The following SLC35F5 variants were observed in gnomAD, a reference collection of about 807,000 sequenced individuals.
The protein encoded by SLC35F5 is HCV NS5A-transactivated protein 3.
In SLC35F5, 54 loss-of-function variants were observed where a neutral mutation model predicts 68.6. That is an observed-to-expected ratio of 0.79 (90% CI 0.63 to 0.99). The LOEUF (loss-of-function observed/expected upper bound fraction) is 0.99. Among genes scored for constraint, SLC35F5 ranks in the 50% least tolerant of loss-of-function variants. The pLI is 0.00. For synonymous variants in SLC35F5, 211 were observed against 205.2 expected (o/e 1.03, Z -0.24); for missense variants, 567 against 626.9 (o/e 0.90, Z 1.02).
At position 113,734,638 on chromosome 2, in the gene SLC35F5, T is replaced by C. The variant is rs144617050; in HGVS notation, c.868A>G (p.Ser290Gly). 5 of 1,606,822 alleles carry C rather than the reference T, an allele frequency of 3.1e-6. No individual in the cohort carries two copies. The African/African-American group carries it at 4.0e-5, about 13-fold the overall frequency. Residue 290 changes from serine to glycine, a missense_variant, in exon 9 of 16, where the codon AGT becomes GGT. Physicochemically the swap from Ser to Gly is moderately conservative, Grantham distance 56. Transcript: ENST00000245680. ...AGGGTAAATCTATCTCCACTGTTAC[T>C]TGGAAATACTGCAGCAAGGATTAAG... ...FTLILAAVFP[S>G]NSGDRFTLSK...
chr2:113,755,031 G>T, intron 3 of SLC35F5, 134 bp downstream of exon 3: 3 of 812,498 alleles, frequency 3.7e-6, no homozygotes, highest in Non-Finnish European at 5.5e-6. Flanking sequence ...ATAATTCAAC[G>T]TTTTTTAAAA....
downstream of SLC35F5, among the ~76,000 whole-genome samples, chr2:113,704,301 T>C (rs549542598): frequency 2.2e-3 from 339 of 152,340 alleles, 3 homozygotes; most frequent in African/African-American, 7.8e-3. Context: ...TTACAATCCC[T>C]GAGCTAGACA....
intron 13 of SLC35F5, among the ~76,000 whole-genome samples, chr2:113,720,061 TAAG>T (rs923844406): frequency 6.7e-5 from 10 of 148,452 alleles, no homozygotes; most frequent in African/African-American, 2.2e-4. Context: ...GAAAAAAAAA[TAAG>T]AAAAACAAAT....
At chr2:113,755,038 A>T in intron 3 of SLC35F5, 127 bp downstream of exon 3, 1 of 890,844 alleles carries the variant, frequency 1.1e-6, no homozygotes, top group Admixed American at 3.1e-5. Flanking sequence ...AACGTTTTTT[A>T]AAAATTCAAT....
chr2:113,743,330 T>A (rs1676359417), intron 6 of SLC35F5, among the ~76,000 whole-genome samples: 1 of 152,188 alleles, frequency 6.6e-6, no homozygotes, highest in African/African-American at 2.4e-5. Context: ...TACTGCACCT[T>A]ATGTTAAAGG....
intron 1 of SLC35F5, chr2:113,756,112 G>A: frequency 1.4e-6 from 2 of 1,445,406 alleles, no homozygotes; most frequent in Non-Finnish European, 1.8e-6. Context: ...TTCTGTTTTG[G>A]AGCGGGGAAG....
At chr2:113,724,572 G>A (rs945039761) in intron 12 of SLC35F5, among the ~76,000 whole-genome samples, 1 of 152,168 alleles carries the variant, frequency 6.6e-6, no homozygotes, top group Non-Finnish European at 1.5e-5. Context: ...AGACAGCACT[G>A]TAGGCAGAGC....
chr2:113,746,997 C>T (rs72946630), intron 4 of SLC35F5, among the ~76,000 whole-genome samples: 224 of 151,612 alleles, frequency 1.5e-3, no homozygotes, highest in African/African-American at 4.1e-3. Flanking sequence ...TCAAAAACCT[C>T]TGAATGAGAC....
rs1389701854 is a variant in SLC35F5, at chr2:113,725,365, A to C, written c.1250+13T>G. On this transcript the variant is annotated intron_variant, in intron 12 of 15. Coordinates refer to ENST00000245680, the MANE Select transcript of SLC35F5 (RefSeq NM_025181.5). ...AATCAACTGATAATAATTGGAGAAT[A>C]AACAGTACATACCACAACCACAGGA... 1 of 1,583,910 alleles carries C rather than the reference A, an allele frequency of 6.3e-7. No homozygotes were observed. The highest frequency in any genetic ancestry group is 8.5e-7 in the Non-Finnish European group (1 of 1,171,762).
intron 11 of SLC35F5, among the ~76,000 whole-genome samples, chr2:113,728,007 T>A (rs1052910858): frequency 4.6e-5 from 7 of 152,172 alleles, no homozygotes; most frequent in Non-Finnish European, 1.0e-4. Context: ...TTTTCTTTTT[T>A]AAGAGACAGC....
intron 3 of SLC35F5, among the ~76,000 whole-genome samples, chr2:113,751,630 C>G (rs1234341332): frequency 6.7e-6 from 1 of 149,248 alleles, no homozygotes; most frequent in East Asian, 2.0e-4. Flanking sequence ...GCCAACATGG[C>G]GAAACCCTGT....
chr2:113,740,083 A>C (rs546486308), intron 7 of SLC35F5, among the ~76,000 whole-genome samples: 1 of 152,316 alleles, frequency 6.6e-6, no homozygotes, highest in South Asian at 2.1e-4. Context: ...GCAGAGATAG[A>C]TGAAAATCTG....
At chr2:113,732,818 C>T (rs1687948889) in intron 9 of SLC35F5, among the ~76,000 whole-genome samples, 1 of 152,132 alleles carries the variant, frequency 6.6e-6, no homozygotes, top group Admixed American at 6.6e-5. Context: ...CTATTATTAT[C>T]CCCAATATAC....
At chr2:113,735,730 T>C in intron 8 of SLC35F5, 47 bp downstream of exon 8, 2 of 1,279,098 alleles carry the variant, frequency 1.6e-6, no homozygotes, top group African/African-American at 1.5e-5. Context: ...ATACCAGAAA[T>C]ACATACACTG....
At chr2:113,749,022 C>T (rs1392160852) in intron 4 of SLC35F5, among the ~76,000 whole-genome samples, 1 of 152,160 alleles carries the variant, frequency 6.6e-6, no homozygotes, top group Non-Finnish European at 1.5e-5. Context: ...CAAGGATGGT[C>T]TCGATCTCCT....
At chr2:113,702,885 GATT>G (rs1686723457), downstream of SLC35F5, among the ~76,000 whole-genome samples, 1 of 152,176 alleles carries the variant, frequency 6.6e-6, no homozygotes, top group African/African-American at 2.4e-5. Context: ...AAGGCAGGCA[GATT>G]GCTTGAGGCC....
chr2:113,704,702 C>T (rs1042603370), downstream of SLC35F5, among the ~76,000 whole-genome samples: 7 of 151,624 alleles, frequency 4.6e-5, no homozygotes, highest in African/African-American at 1.2e-4. Flanking sequence ...GCTCCGAGTG[C>T]GGGGCCCGCC....
intron 4 of SLC35F5, 58 bp downstream of exon 4, chr2:113,750,366 AC>A: frequency 1.4e-6 from 2 of 1,451,578 alleles, no homozygotes; most frequent in South Asian, 3.0e-5. Flanking sequence ...ACATCTTTAA[AC>A]TTTGAAAAAA....
intron 3 of SLC35F5, among the ~76,000 whole-genome samples, chr2:113,751,112 C>A (rs1375034346): frequency 6.6e-6 from 1 of 152,104 alleles, no homozygotes; most frequent in African/African-American, 2.4e-5. Flanking sequence ...AGCCACTGCA[C>A]TCCAGCCTGG....
Sources: gnomAD v4.1 joint callset for allele counts (sites outside exome capture counted in the v4.1 genomes callset) on GRCh38, gnomAD v4.1.1 for gene constraint, MANE v1.5 for transcripts, NCBI Gene and HGNC (gene_info 2026-07-23, HGNC 2026-07-21) for gene names.